The following SLCO5A1 variants were observed in gnomAD, a reference collection of about 807,000 sequenced individuals.
The protein encoded by SLCO5A1 is solute carrier organic anion transporter family member 5A1.
A neutral mutation model predicts 65.1 loss-of-function variants in SLCO5A1; 39 were observed. The ratio of observed to expected loss-of-function variants is 0.60; its 90% CI spans 0.46 to 0.78. The LOEUF (loss-of-function observed/expected upper bound fraction) is 0.78. Ranked by LOEUF, SLCO5A1 falls within the 30% of genes least tolerant of loss-of-function variation. SLCO5A1 has a pLI of 0.00. For missense variants in SLCO5A1, 1,029 were observed against 1,069.4 expected, an observed-to-expected ratio of 0.96 and a Z score of 0.53; for synonymous variants, 438 against 415.7, an observed-to-expected ratio of 1.05 and a Z score of -0.65.
At position 69,676,643 on chromosome 8, in the gene SLCO5A1, T is replaced by A. The variant is rs10448034; in HGVS notation, c.2055A>T (p.Ala685=). 6.2e-7 allele frequency: 1 copy of A among 1,611,090 alleles called. No individual in the cohort carries two copies. The highest frequency in any genetic ancestry group is 2.2e-5 in the East Asian group (1 of 44,760). ...GCAACAAAACAAACTGCATTCCCAG[T>A]GCAAAAGGTCTCTCCTCATCTTCTA... ...RSVEDEERPF[A]LGMQFVLLRT... The change falls in exon 9 of 10, where the codon GCA becomes GCT. Residue 685 remains alanine, a synonymous_variant. Coordinates refer to ENST00000260126, the MANE Select transcript of SLCO5A1 (RefSeq NM_030958.3).
intron 2 of SLCO5A1, among the ~76,000 whole-genome samples, chr8:69,784,071 TC>T (rs1360667826): frequency 6.6e-6 from 1 of 152,172 alleles, no homozygotes; most frequent in Non-Finnish European, 1.5e-5. Flanking sequence ...AAAAATAAGA[TC>T]TTTTTTTAAC....
chr8:69,727,096 G>A, intron 5 of SLCO5A1, among the ~76,000 whole-genome samples: 1 of 152,152 alleles, frequency 6.6e-6, no homozygotes, highest in East Asian at 1.9e-4. Context: ...CAGCCTACAA[G>A]GTTCACTAGA....
intron 6 of SLCO5A1, among the ~76,000 whole-genome samples, chr8:69,694,663 C>T (rs1023098539): frequency 4.6e-5 from 7 of 152,178 alleles, no homozygotes; most frequent in Non-Finnish European, 1.0e-4. Flanking sequence ...AAAAGTGGCA[C>T]GCCTATACAG....
intron 2 of SLCO5A1, among the ~76,000 whole-genome samples, chr8:69,793,879 ATT>A (rs1819376251): frequency 6.6e-6 from 1 of 152,196 alleles, no homozygotes; most frequent in African/African-American, 2.4e-5. Context: ...GCTAAGATTT[ATT>A]GACTGCCTAT....
intron 2 of SLCO5A1, among the ~76,000 whole-genome samples, chr8:69,827,071 C>T (rs544012654): frequency 5.5e-5 from 8 of 146,676 alleles, no homozygotes; most frequent in Non-Finnish European, 8.9e-5. Context: ...ACCGCATATT[C>T]TCACCCATAG....
intron 2 of SLCO5A1, among the ~76,000 whole-genome samples, chr8:69,770,107 G>A (rs1818249875): frequency 1.3e-5 from 2 of 152,054 alleles, no homozygotes; most frequent in Admixed American, 1.3e-4. Flanking sequence ...GCTATCTCCA[G>A]CTTTTTCTAT....
intron 2 of SLCO5A1, among the ~76,000 whole-genome samples, chr8:69,775,063 G>A (rs1332221985): frequency 2.0e-5 from 3 of 152,072 alleles, no homozygotes; most frequent in Non-Finnish European, 4.4e-5. Context: ...ACACAGGCCT[G>A]ACAGCAAAAG....
At chr8:69,824,983 C>T (rs1820808433) in intron 2 of SLCO5A1, among the ~76,000 whole-genome samples, 1 of 152,092 alleles carries the variant, frequency 6.6e-6, no homozygotes, top group Admixed American at 6.6e-5. Flanking sequence ...ATACGCAAAT[C>T]AATAAATGTA....
At chr8:69,700,812 G>C (rs777871505) in intron 6 of SLCO5A1, among the ~76,000 whole-genome samples, 11 of 151,502 alleles carry the variant, frequency 7.3e-5, no homozygotes, top group Non-Finnish European at 1.6e-4. Flanking sequence ...CGGTGTGTAT[G>C]TGTGTGTATA....
intron 4 of SLCO5A1, among the ~76,000 whole-genome samples, chr8:69,752,142 G>T (rs1817334049): frequency 6.6e-6 from 1 of 152,100 alleles, no homozygotes; most frequent in Non-Finnish European, 1.5e-5. Context: ...AGCCAGGAAG[G>T]ATCACTTGAG....
At chr8:69,793,329 C>G (rs1286250062) in intron 2 of SLCO5A1, among the ~76,000 whole-genome samples, 1 of 151,830 alleles carries the variant, frequency 6.6e-6, no homozygotes, top group Non-Finnish European at 1.5e-5. Context: ...TATAAAGTAA[C>G]TTAAGTTCAG....
chr8:69,685,912 A>G (rs1813978791), intron 6 of SLCO5A1, among the ~76,000 whole-genome samples: 1 of 152,156 alleles, frequency 6.6e-6, no homozygotes, highest in African/African-American at 2.4e-5. Context: ...ATTGTTAAAC[A>G]TAATTCAAAC....
intron 4 of SLCO5A1, among the ~76,000 whole-genome samples, chr8:69,752,296 G>A (rs1240246180): frequency 6.6e-6 from 1 of 151,920 alleles, no homozygotes; most frequent in Non-Finnish European, 1.5e-5. Flanking sequence ...CCAGAAAATA[G>A]AAGGGAAAAA....
intron 2 of SLCO5A1, chr8:69,794,021 T>C (rs1819385576): frequency 5.3e-6 from 1 of 187,744 alleles, no homozygotes. Context: ...AGATCAAGTC[T>C]GCTGAGGCTG....
chr8:69,788,657 C>T (rs1368139126), intron 2 of SLCO5A1, among the ~76,000 whole-genome samples: 2 of 152,088 alleles, frequency 1.3e-5, no homozygotes, highest in Non-Finnish European at 2.9e-5. Flanking sequence ...CTCTAACAAC[C>T]TTGGTATAAA....
intron 2 of SLCO5A1, among the ~76,000 whole-genome samples, chr8:69,798,461 G>T (rs1819593551): frequency 6.6e-6 from 1 of 152,152 alleles, no homozygotes; most frequent in Non-Finnish European, 1.5e-5. Context: ...AAGGCAAAGG[G>T]GAAGCTGGCA....
chr8:69,824,198 A>G (rs1321376826), intron 2 of SLCO5A1, among the ~76,000 whole-genome samples: 12 of 152,106 alleles, frequency 7.9e-5, no homozygotes, highest in Non-Finnish European at 1.8e-4. Flanking sequence ...TTGACACCCT[A>G]ACATCACAAT....
At chr8:69,752,728 G>C (rs1002207092) in intron 4 of SLCO5A1, among the ~76,000 whole-genome samples, 3 of 152,158 alleles carry the variant, frequency 2.0e-5, no homozygotes, top group Non-Finnish European at 4.4e-5. Flanking sequence ...GATATGATTA[G>C]AGAATCCAGT....
chr8:69,823,888 T>C (rs1212126900), intron 2 of SLCO5A1, among the ~76,000 whole-genome samples: 2 of 152,138 alleles, frequency 1.3e-5, no homozygotes, highest in Non-Finnish European at 2.9e-5. Flanking sequence ...AAAGCACTCC[T>C]CAGCAAATGT....
Sources: allele counts gnomAD v4.1 joint callset (sites outside exome capture counted in the v4.1 genomes callset), GRCh38; gene constraint gnomAD v4.1.1; transcripts MANE v1.5; gene names NCBI Gene and HGNC (gene_info 2026-07-23, HGNC 2026-07-21).